PRKG1: variants seen among roughly 807,000 people sequenced by gnomAD.
The protein encoded by PRKG1 is protein kinase cGMP-dependent 1.
Under a neutral mutation model 88.1 loss-of-function variants are expected in PRKG1, and 35 were observed. The ratio of observed to expected loss-of-function variants is 0.40; its 90% CI spans 0.30 to 0.53. The LOEUF is 0.53. Ranked by LOEUF, PRKG1 falls within the 20% of genes least tolerant of loss-of-function variation. The pLI is 0.59. For synonymous variants in PRKG1, 303 were observed against 292.5 expected (o/e 1.04, Z -0.37); for missense variants, 540 against 839.8 (o/e 0.64, Z 4.41).
At chr10:51,257,699 T>A (rs1481978806) in intron 2 of PRKG1, among the ~76,000 whole-genome samples, 1 of 152,136 alleles carries the variant, frequency 6.6e-6, no homozygotes, top group African/African-American at 2.4e-5. Flanking sequence ...CATTTTTTTT[T>A]TTCCACCAAG....
intron 3 of PRKG1, among the ~76,000 whole-genome samples, chr10:51,623,781 C>G (rs1004052275): frequency 4.6e-5 from 7 of 152,120 alleles, no homozygotes; most frequent in Admixed American, 1.3e-4. Flanking sequence ...CTACTCCCCT[C>G]CCGCGTGTTT....
At chr10:51,118,749 C>T (rs1040597189) in intron 1 of PRKG1, among the ~76,000 whole-genome samples, 3 of 152,096 alleles carry the variant, frequency 2.0e-5, no homozygotes, top group South Asian at 2.1e-4. Flanking sequence ...TTGTTCTATT[C>T]GTCTCTGCAG....
At chr10:51,548,647 T>A (rs1842502652) in intron 3 of PRKG1, among the ~76,000 whole-genome samples, 1 of 152,170 alleles carries the variant, frequency 6.6e-6, no homozygotes, top group African/African-American at 2.4e-5. Context: ...ATTGTGTTAC[T>A]ATTTCATAAA....
At chr10:52,023,678 A>AT (rs71533113) in intron 5 of PRKG1, among the ~76,000 whole-genome samples, 2 of 152,134 alleles carry the variant, frequency 1.3e-5, no homozygotes, top group African/African-American at 4.8e-5. Flanking sequence ...GATGGCGAGC[A>AT]TTTTTTCATG....
chr10:51,841,786 G>T (rs938502503), intron 4 of PRKG1, among the ~76,000 whole-genome samples: 1 of 152,064 alleles, frequency 6.6e-6, no homozygotes, highest in African/African-American at 2.4e-5. Flanking sequence ...AGGTTCAAGC[G>T]ATTCTCCTGC....
At chr10:51,186,733 A>G (rs1267251227) in intron 2 of PRKG1, among the ~76,000 whole-genome samples, 3 of 151,598 alleles carry the variant, frequency 2.0e-5, no homozygotes, top group South Asian at 2.1e-4. Context: ...TTTCTCTTCC[A>G]TTAATTAGCT....
chr10:51,261,674 T>G (rs568383886), intron 2 of PRKG1, among the ~76,000 whole-genome samples: 1 of 152,156 alleles, frequency 6.6e-6, no homozygotes, highest in South Asian at 2.1e-4. Flanking sequence ...TTATACACTG[T>G]ACATTAGCCC....
At position 51,088,263 on chromosome 10, in the gene PRKG1, A is replaced by G. The variant is rs1844304715; in HGVS notation, c.311+13362A>G. Among the ~76,000 whole-genome samples, 8 of 152,240 alleles carry G rather than the reference A, an allele frequency of 5.3e-5. No homozygotes were observed. In the South Asian group the frequency reaches 1.7e-3, roughly 32 times the overall value. ...CATTACCTCAATTTTCCAATGGTTTACTTCCTCACTGATTTCCCTCTTTTC... is the reference window on the plus strand; with the variant it reads ...CATTACCTCAATTTTCCAATGGTTTGCTTCCTCACTGATTTCCCTCTTTTC... On this transcript the variant is annotated intron_variant, in intron 1 of 17. Transcript: ENST00000373980.
intron 3 of PRKG1, among the ~76,000 whole-genome samples, chr10:51,647,804 T>C (rs1839950809): frequency 6.6e-6 from 1 of 152,200 alleles, no homozygotes; most frequent in Non-Finnish European, 1.5e-5. Flanking sequence ...TTTAGTATTT[T>C]AGAACATTAT....
intron 5 of PRKG1, among the ~76,000 whole-genome samples, chr10:52,049,925 A>G (rs1315216447): frequency 6.6e-6 from 1 of 152,140 alleles, no homozygotes; most frequent in African/African-American, 2.4e-5. Flanking sequence ...GTGAAAAATA[A>G]TCATGCAAGT....
intron 1 of PRKG1, among the ~76,000 whole-genome samples, chr10:51,125,718 T>A (rs1311668430): frequency 1.4e-5 from 2 of 146,740 alleles, no homozygotes; most frequent in Non-Finnish European, 3.0e-5. Context: ...AATTATATAA[T>A]TTAAATATAA....
chr10:51,981,035 C>A (rs933057741), intron 5 of PRKG1, among the ~76,000 whole-genome samples: 1 of 152,014 alleles, frequency 6.6e-6, no homozygotes, highest in Non-Finnish European at 1.5e-5. Context: ...TGATGTTAGG[C>A]AATTATTATG....
intron 3 of PRKG1, among the ~76,000 whole-genome samples, chr10:51,636,737 G>T (rs1345823884): frequency 6.6e-6 from 1 of 152,102 alleles, no homozygotes; most frequent in East Asian, 1.9e-4. Context: ...GCTCATTCCT[G>T]GCTGATTCAG....
intron 2 of PRKG1, among the ~76,000 whole-genome samples, chr10:51,231,700 C>T (rs560578656): frequency 1.2e-4 from 18 of 151,482 alleles, no homozygotes; most frequent in Admixed American, 8.5e-4. Flanking sequence ...TATTTGGCAA[C>T]ATCTGAAACA....
chr10:51,501,688 A>G (rs1841027473), intron 3 of PRKG1, among the ~76,000 whole-genome samples: 1 of 152,070 alleles, frequency 6.6e-6, no homozygotes, highest in African/African-American at 2.4e-5. Flanking sequence ...GCATTCCTTT[A>G]GAACTGATGT....
intron 3 of PRKG1, among the ~76,000 whole-genome samples, chr10:51,695,060 TA>T (rs1210255893): frequency 1.3e-5 from 2 of 152,172 alleles, no homozygotes; most frequent in African/African-American, 2.4e-5. Flanking sequence ...TTCCCCCTAA[TA>T]ACTCTAATAA....
intron 3 of PRKG1, among the ~76,000 whole-genome samples, chr10:51,656,391 A>G (rs1840161469): frequency 6.6e-6 from 1 of 152,098 alleles, no homozygotes; most frequent in Non-Finnish European, 1.5e-5. Context: ...CAATATGTGC[A>G]CATCAATTCA....
chr10:51,817,288 C>T (rs187884880), intron 4 of PRKG1, among the ~76,000 whole-genome samples: 35 of 151,984 alleles, frequency 2.3e-4, no homozygotes, highest in Non-Finnish European at 4.9e-4. Context: ...TGGTGGTTTG[C>T]TGCACCCATC....
intron 3 of PRKG1, among the ~76,000 whole-genome samples, chr10:51,670,844 A>G (rs1840555938): frequency 6.6e-6 from 1 of 151,974 alleles, no homozygotes; most frequent in East Asian, 1.9e-4. Context: ...CAGTATTTTT[A>G]TCCTACTCCT....
Sources: allele counts gnomAD v4.1 joint callset (sites outside exome capture counted in the v4.1 genomes callset), GRCh38; gene constraint gnomAD v4.1.1; transcripts MANE v1.5; gene names NCBI Gene and HGNC (gene_info 2026-07-23, HGNC 2026-07-21).